The following ROR1 variants were observed in gnomAD, a reference collection of about 807,000 sequenced individuals.
ROR1 encodes the protein inactive tyrosine-protein kinase transmembrane receptor ROR1.
Under a neutral mutation model 78.8 loss-of-function variants are expected in ROR1, and 19 were observed. That is an observed-to-expected ratio of 0.24 (90% CI 0.17 to 0.35). ROR1 has a LOEUF of 0.35. ROR1 is among the 10% of genes least tolerant of loss of function. ROR1 has a pLI of 1.00. For synonymous variants in ROR1, 386 were observed against 433.6 expected (o/e 0.89, Z 1.36); for missense variants, 917 against 1,177.8 (o/e 0.78, Z 3.24).
intron 1 of ROR1, among the ~76,000 whole-genome samples, chr1:63,988,876 A>G (rs1646271948): frequency 6.6e-6 from 1 of 152,196 alleles, no homozygotes; most frequent in Non-Finnish European, 1.5e-5. Context: ...TTGTTTATCC[A>G]TTCATCTGTC....
chr1:64,098,330 G>A (rs374853389), intron 4 of ROR1, among the ~76,000 whole-genome samples: 4 of 152,106 alleles, frequency 2.6e-5, no homozygotes, highest in African/African-American at 9.7e-5. Flanking sequence ...AAGGGGCCCG[G>A]GCTGTGCAGT....
chr1:63,825,314 G>T (rs1363672142), intron 1 of ROR1, among the ~76,000 whole-genome samples: 1 of 152,118 alleles, frequency 6.6e-6, no homozygotes, highest in Non-Finnish European at 1.5e-5. Context: ...ACAAAATGTG[G>T]TATATCTATA....
chr1:64,017,565 C>T lies in ROR1; in HGVS notation c.163+8189C>T, dbSNP rs571103810. Reference sequence around the variant, plus strand: ...ATCAGCCCCCCTGCCATCCAGCCATCAATGGAGCAGAAAGGGTCTTCCTCA... The same window carrying T: ...ATCAGCCCCCCTGCCATCCAGCCATTAATGGAGCAGAAAGGGTCTTCCTCA... On this transcript the variant is annotated intron_variant, in intron 2 of 8. Transcript: ENST00000371079. 3.3e-5 allele frequency among the ~76,000 whole-genome samples: 5 copies of T among 152,264 alleles called. No individual in the cohort carries two copies. The South Asian group carries it at 1.0e-3, about 32-fold the overall frequency.
intron 1 of ROR1, among the ~76,000 whole-genome samples, chr1:63,792,845 C>G (rs1368308976): frequency 6.6e-6 from 1 of 152,210 alleles, no homozygotes; most frequent in African/African-American, 2.4e-5. Context: ...AGTGAATTAA[C>G]TAGAGTATCC....
intron 1 of ROR1, among the ~76,000 whole-genome samples, chr1:63,811,697 T>G (rs1309557478): frequency 3.9e-5 from 6 of 152,184 alleles, no homozygotes; most frequent in African/African-American, 1.4e-4. Context: ...GGTACTTCTT[T>G]CTGTCTCCTC....
At chr1:64,021,257 T>C (rs1646563309) in intron 2 of ROR1, among the ~76,000 whole-genome samples, 1 of 152,234 alleles carries the variant, frequency 6.6e-6, no homozygotes, top group Non-Finnish European at 1.5e-5. Context: ...TTTACTTGTC[T>C]TCTGAACTCA....
intron 1 of ROR1, among the ~76,000 whole-genome samples, chr1:63,828,417 T>A (rs1220665794): frequency 6.6e-6 from 1 of 152,194 alleles, no homozygotes; most frequent in Admixed American, 6.6e-5. Context: ...AAGCCACAGT[T>A]CATAAACCCC....
intron 2 of ROR1, among the ~76,000 whole-genome samples, chr1:64,043,116 A>G (rs1646757706): frequency 1.3e-5 from 2 of 152,156 alleles, no homozygotes; most frequent in Admixed American, 6.5e-5. Flanking sequence ...TTTATATCTC[A>G]GTTTCTCTCA....
intron 1 of ROR1, among the ~76,000 whole-genome samples, chr1:63,878,479 A>G (rs963101319): frequency 3.8e-5 from 5 of 131,098 alleles, no homozygotes; most frequent in Non-Finnish European, 6.4e-5. Context: ...TATTCACCAC[A>G]TTGTAGCTGG....
intron 1 of ROR1, among the ~76,000 whole-genome samples, chr1:63,931,635 C>T (rs183123065): frequency 1.8e-4 from 27 of 152,314 alleles, no homozygotes; most frequent in Admixed American, 1.7e-3. Flanking sequence ...CTGGGACCTG[C>T]ATCCTTCCTT....
intron 8 of ROR1, among the ~76,000 whole-genome samples, chr1:64,163,264 C>G (rs1342996169): frequency 8.0e-6 from 1 of 125,680 alleles, no homozygotes; most frequent in Non-Finnish European, 1.7e-5. Flanking sequence ...CACACACACA[C>G]ACAATTCGCC....
At position 64,130,803 on chromosome 1, in the gene ROR1, G is replaced by T. The variant is rs536847646; in HGVS notation, c.483-6566G>T. On this transcript the variant is annotated intron_variant, in intron 4 of 8. Coordinates refer to ENST00000371079, the MANE Select transcript of ROR1 (RefSeq NM_005012.4). ...TTACTTGGATCCTTAATTTTATAAT[G>T]TAGCCCCATTTTTATTAAAAGCCAG... is the stretch of plus-strand genomic sequence containing the variant. Among the ~76,000 whole-genome samples, 23 of 152,304 alleles carry T rather than the reference G, an allele frequency of 1.5e-4. No individual in the cohort carries two copies. The East Asian group carries it at 4.4e-3, about 29-fold the overall frequency.
intron 1 of ROR1, among the ~76,000 whole-genome samples, chr1:63,817,389 T>A (rs1644898418): frequency 1.3e-5 from 2 of 152,226 alleles, no homozygotes; most frequent in African/African-American, 4.8e-5. Context: ...ATCTCCTTCC[T>A]CAAACGTTTG....
intron 4 of ROR1, among the ~76,000 whole-genome samples, chr1:64,058,594 T>TG (rs969467494): frequency 6.9e-5 from 3 of 43,292 alleles, no homozygotes; most frequent in African/African-American, 3.1e-4. Context: ...ATGATCGTGG[T>TG]GGGTTTTTTT....
chr1:63,819,999 A>T (rs1423355472), intron 1 of ROR1, among the ~76,000 whole-genome samples: 1 of 152,252 alleles, frequency 6.6e-6, no homozygotes, highest in South Asian at 2.1e-4. Flanking sequence ...ACCATGGAAC[A>T]CTATGCAGGC....
chr1:63,901,185 A>T (rs1012746514), intron 1 of ROR1, among the ~76,000 whole-genome samples: 3 of 152,180 alleles, frequency 2.0e-5, no homozygotes, highest in African/African-American at 7.2e-5. Flanking sequence ...GACATGGTGC[A>T]TGAGAACAGG....
chr1:64,142,807 TA>T, intron 7 of ROR1, 157 bp downstream of exon 7: 1 of 1,439,846 alleles, frequency 6.9e-7, no homozygotes, highest in Non-Finnish European at 9.1e-7. Context: ...CGTTTCTACA[TA>T]AAACACCTCG....
intron 1 of ROR1, among the ~76,000 whole-genome samples, chr1:63,802,173 T>G (rs558559361): frequency 3.2e-4 from 49 of 152,274 alleles, no homozygotes; most frequent in African/African-American, 1.1e-3. Context: ...AGTACACAAT[T>G]TCCAAAAAAT....
At chr1:63,946,016 C>T (rs1014512394) in intron 1 of ROR1, among the ~76,000 whole-genome samples, 1 of 152,158 alleles carries the variant, frequency 6.6e-6, no homozygotes, top group East Asian at 1.9e-4. Flanking sequence ...GGCAATTGTG[C>T]TATCAGAAGT....
Sources: allele counts gnomAD v4.1 joint callset (sites outside exome capture counted in the v4.1 genomes callset), GRCh38; gene constraint gnomAD v4.1.1; transcripts MANE v1.5; gene names NCBI Gene and HGNC (gene_info 2026-07-23, HGNC 2026-07-21).